The following EPC2 variants were observed in gnomAD, a reference collection of about 807,000 sequenced individuals.
EPC2 encodes the protein enhancer of polycomb homolog 2.
A neutral mutation model predicts 92.1 loss-of-function variants in EPC2; 14 were observed. That is an observed-to-expected ratio of 0.15 (90% confidence interval 0.10 to 0.24). The LOEUF (loss-of-function observed/expected upper bound fraction) is 0.24. Ranked by LOEUF, EPC2 falls within the 10% of genes least tolerant of loss-of-function variation. The pLI is 1.00. For synonymous variants in EPC2, 340 were observed against 334.7 expected (o/e 1.02, Z -0.17); for missense variants, 755 against 971.5 (o/e 0.78, Z 2.96).
At chr2:148,705,241 T>C (rs1189190722) in intron 2 of EPC2, among the ~76,000 whole-genome samples, 1 of 152,196 alleles carries the variant, frequency 6.6e-6, no homozygotes, top group African/African-American at 2.4e-5. Flanking sequence ...CTATAGATTC[T>C]AACTCTTAAG....
chr2:148,754,245 G>T (rs1683137877), intron 4 of EPC2, 112 bp downstream of exon 4: 2 of 851,788 alleles, frequency 2.3e-6, no homozygotes, highest in Admixed American at 5.8e-5. Flanking sequence ...TGGCATTGAT[G>T]ACTTTCTATA....
At position 148,728,860 on chromosome 2, in the gene EPC2, G is replaced by A. The variant is rs557604367; in HGVS notation, c.314-14762G>A. ...ATCCTGGCTAACACAGTGAAACCCC[G>A]TCTCTACTAAAAATACAAAAAATTA... is the stretch of plus-strand genomic sequence containing the variant. On this transcript the variant is annotated intron_variant, in intron 2 of 13. Transcript: ENST00000258484. Among the ~76,000 whole-genome samples, 6 of 151,026 alleles carry A rather than the reference G, an allele frequency of 4.0e-5. 1 individual carries two copies. The highest frequency in any genetic ancestry group is 3.9e-4 in the East Asian group (2 of 5,138).
At chr2:148,774,622 T>TATATATATATATATATATATA (rs1553450861) in intron 10 of EPC2, among the ~76,000 whole-genome samples, 1 of 108,286 alleles carries the variant, frequency 9.2e-6, no homozygotes, top group Non-Finnish European at 1.9e-5. Context: ...AAAAAATATA[T>TATATATATATATATATATATA]TTTATATATA....
chr2:148,664,853 G>A (rs980941102), intron 1 of EPC2, among the ~76,000 whole-genome samples: 1 of 152,090 alleles, frequency 6.6e-6, no homozygotes, highest in Non-Finnish European at 1.5e-5. Context: ...TAGTATTTCA[G>A]TTTGTGGCTG....
intron 2 of EPC2, chr2:148,692,005 G>C (rs1199209692): frequency 2.8e-6 from 1 of 352,172 alleles, no homozygotes; most frequent in Non-Finnish European, 5.5e-6. Flanking sequence ...TTCAATAATA[G>C]TCATATTCTC....
At chr2:148,669,676 G>T (rs1035212418) in intron 1 of EPC2, among the ~76,000 whole-genome samples, 1 of 152,110 alleles carries the variant, frequency 6.6e-6, no homozygotes, top group Non-Finnish European at 1.5e-5. Context: ...AGGGACTAGT[G>T]CCTGTTCGTA....
intron 12 of EPC2, 98 bp downstream of exon 12, chr2:148,783,854 A>AT: frequency 8.3e-7 from 1 of 1,211,492 alleles, no homozygotes; most frequent in Non-Finnish European, 1.2e-6. Flanking sequence ...GAAAATGTGT[A>AT]TAAGTCAATC....
intron 1 of EPC2, among the ~76,000 whole-genome samples, chr2:148,647,789 T>A (rs766294830): frequency 6.6e-6 from 1 of 152,006 alleles, no homozygotes; most frequent in African/African-American, 2.4e-5. Flanking sequence ...CGTGCCACTA[T>A]GCCCAGCTAA....
intron 1 of EPC2, among the ~76,000 whole-genome samples, chr2:148,662,655 C>T (rs756450492): frequency 8.2e-5 from 12 of 146,456 alleles, no homozygotes; most frequent in Non-Finnish European, 1.3e-4. Flanking sequence ...CATAACACAC[C>T]GGGGACTGTT....
intron 12 of EPC2, 50 bp from the exon 13 acceptor site, chr2:148,784,618 G>C: frequency 7.8e-7 from 1 of 1,285,232 alleles, no homozygotes; most frequent in South Asian, 1.4e-5. Flanking sequence ...TCTAAAAATA[G>C]TTGTATTGAT....
intron 8 of EPC2, 130 bp from the exon 9 acceptor site, chr2:148,770,662 A>C: frequency 9.6e-7 from 1 of 1,045,018 alleles, no homozygotes; most frequent in Non-Finnish European, 1.3e-6. Context: ...CCCCACTTTT[A>C]CAGTTTTATA....
chr2:148,682,465 T>C (rs1288415316), intron 1 of EPC2, among the ~76,000 whole-genome samples: 4 of 152,258 alleles, frequency 2.6e-5, no homozygotes, highest in Non-Finnish European at 5.9e-5. Flanking sequence ...GACCTGTGGT[T>C]ACTGGGGTGC....
chr2:148,711,288 T>C (rs1329192903), intron 2 of EPC2, among the ~76,000 whole-genome samples: 2 of 152,130 alleles, frequency 1.3e-5, no homozygotes, highest in Admixed American at 6.5e-5. Flanking sequence ...TCATTCAGTT[T>C]AGAGTATTTA....
intron 1 of EPC2, 169 bp downstream of exon 1, chr2:148,645,339 G>C (rs1373628272): frequency 3.6e-6 from 2 of 561,450 alleles, no homozygotes; most frequent in Non-Finnish European, 6.2e-6. Context: ...GGCCGGCGTA[G>C]CGCCCGCCCG....
intron 2 of EPC2, among the ~76,000 whole-genome samples, chr2:148,704,627 C>T (rs1396557340): frequency 6.6e-6 from 1 of 152,134 alleles, no homozygotes; most frequent in Non-Finnish European, 1.5e-5. Context: ...TATCAAGTGG[C>T]ATGTCCCCAA....
intron 8 of EPC2, 30 bp from the exon 9 acceptor site, chr2:148,770,762 T>C (rs1334872851): frequency 1.9e-5 from 30 of 1,562,556 alleles, no homozygotes; most frequent in Non-Finnish European, 2.5e-5. Context: ...TCCATGAGTT[T>C]TTTGTTTTTT....
chr2:148,644,835 C>CG lies in EPC2; in HGVS notation c.-182dup, dbSNP rs113388632. ...TCTAGTGTGTGGAGGCGGCCGCGGG[C>CG]GCGGGGGGCTGTTTTCGGGCGGGGT... On this transcript the variant is annotated 5_prime_UTR_variant, in exon 1 of 14. Transcript: ENST00000258484. 1 allele frequency: 522,937 copies of CG among 522,970 alleles called. 261,452 individuals carry two copies. Among genetic ancestry groups the CG allele is most frequent in the Middle Eastern group, 1 (1,926 of 1,926 alleles). 32.4% of individuals were successfully genotyped at this position (522,970 alleles called of 1,614,324 possible).
At chr2:148,740,114 A>T (rs544382587) in intron 2 of EPC2, among the ~76,000 whole-genome samples, 5 of 151,956 alleles carry the variant, frequency 3.3e-5, no homozygotes, top group Admixed American at 2.0e-4. Context: ...CTGGGTTTCA[A>T]AAAGTGAGGT....
chr2:148,689,590 G>A (rs1324023787), intron 1 of EPC2, among the ~76,000 whole-genome samples: 1 of 152,098 alleles, frequency 6.6e-6, no homozygotes, highest in East Asian at 1.9e-4. Flanking sequence ...ATTGGGAATG[G>A]GCCATTGTGG....
Sources: allele counts gnomAD v4.1 joint callset (sites outside exome capture counted in the v4.1 genomes callset), GRCh38; gene constraint gnomAD v4.1.1; transcripts MANE v1.5; gene names NCBI Gene and HGNC (gene_info 2026-07-23, HGNC 2026-07-21).